Variants in CNTNAP2 observed in about 807,000 individuals in gnomAD.
CNTNAP2 encodes contactin-associated protein-like 2.
Under a neutral mutation model 155.2 loss-of-function variants are expected in CNTNAP2, and 98 were observed. The ratio of observed to expected loss-of-function variants is 0.63; its 90% CI spans 0.54 to 0.75. The LOEUF is 0.75. Ranked by LOEUF, CNTNAP2 falls within the 30% of genes least tolerant of loss-of-function variation. CNTNAP2 has a pLI of 0.00. For synonymous variants in CNTNAP2, 651 were observed against 631.2 expected, an observed-to-expected ratio of 1.03 and a Z score of -0.47; for missense variants, 1,727 against 1,688.1, an observed-to-expected ratio of 1.02 and a Z score of -0.40.
intron 15 of CNTNAP2, among the ~76,000 whole-genome samples, chr7:148,076,636 C>T (rs569101096): frequency 2.0e-5 from 3 of 151,662 alleles, no homozygotes; most frequent in Non-Finnish European, 2.9e-5. Context: ...GGGGTTTCAC[C>T]GTGTTAGCCA....
chr7:146,368,018 C>T (rs1321402404), intron 1 of CNTNAP2, among the ~76,000 whole-genome samples: 1 of 152,056 alleles, frequency 6.6e-6, no homozygotes, highest in Non-Finnish European at 1.5e-5. Context: ...TTGAACATTC[C>T]ACTTCATCCC....
intron 16 of CNTNAP2, among the ~76,000 whole-genome samples, chr7:148,120,508 G>A (rs936205459): frequency 1.3e-5 from 2 of 151,974 alleles, no homozygotes; most frequent in Non-Finnish European, 2.9e-5. Flanking sequence ...CTCAGGCAGT[G>A]TGCCTGCCTT....
chr7:146,607,503 G>T (rs117672138), intron 1 of CNTNAP2, among the ~76,000 whole-genome samples: 3,422 of 152,016 alleles, frequency 0.023, 47 homozygotes, highest in Middle Eastern at 0.041. Flanking sequence ...TTGAGACAGG[G>T]TCTTTTTCTG....
chr7:146,830,399 C>T (rs933816819), intron 2 of CNTNAP2, among the ~76,000 whole-genome samples: 2 of 151,916 alleles, frequency 1.3e-5, no homozygotes, highest in Admixed American at 6.6e-5. Flanking sequence ...GTGGCTGTTA[C>T]ACTGTTATGT....
chr7:147,398,330 G>T (rs1413702150), intron 10 of CNTNAP2, among the ~76,000 whole-genome samples: 1 of 151,752 alleles, frequency 6.6e-6, no homozygotes, highest in Non-Finnish European at 1.5e-5. Context: ...TTCTCCCAAA[G>T]GAAGCCTACA....
At chr7:146,900,466 C>CCCATT (rs1477054514) in intron 3 of CNTNAP2, among the ~76,000 whole-genome samples, 1 of 152,148 alleles carries the variant, frequency 6.6e-6, no homozygotes, top group East Asian at 1.9e-4. Context: ...ACAGCTTCAC[C>CCCATT]CCATCCCCAA....
chr7:148,353,245 G>T (rs574068063), intron 21 of CNTNAP2, among the ~76,000 whole-genome samples: 1 of 152,310 alleles, frequency 6.6e-6, no homozygotes, highest in South Asian at 2.1e-4. Flanking sequence ...GCTGTGGATG[G>T]GAGATAGAAG....
At chr7:146,856,866 G>T (rs1795000438) in intron 3 of CNTNAP2, among the ~76,000 whole-genome samples, 1 of 152,140 alleles carries the variant, frequency 6.6e-6, no homozygotes, top group South Asian at 2.1e-4. Context: ...GTATCAGTGT[G>T]ATAAGAGACA....
At chr7:146,919,517 A>C (rs766048289) in intron 3 of CNTNAP2, among the ~76,000 whole-genome samples, 7 of 152,158 alleles carry the variant, frequency 4.6e-5, no homozygotes, top group Non-Finnish European at 1.0e-4. Flanking sequence ...GAGTATCTGC[A>C]AACAGTCCTG....
intron 21 of CNTNAP2, among the ~76,000 whole-genome samples, chr7:148,283,807 T>G (rs1797031964): frequency 1.3e-5 from 2 of 152,230 alleles, no homozygotes; most frequent in African/African-American, 4.8e-5. Context: ...TAGGCATGAC[T>G]GATTGTGCTG....
At chr7:147,370,633 C>A (rs1796325481) in intron 9 of CNTNAP2, among the ~76,000 whole-genome samples, 1 of 152,108 alleles carries the variant, frequency 6.6e-6, no homozygotes, top group African/African-American at 2.4e-5. Flanking sequence ...TGATCGACAA[C>A]TATGTAAGAC....
intron 1 of CNTNAP2, among the ~76,000 whole-genome samples, chr7:146,766,413 A>C (rs1802195187): frequency 6.6e-6 from 1 of 152,176 alleles, no homozygotes; most frequent in Admixed American, 6.6e-5. Context: ...TCTTAGAATC[A>C]AAATGAGAGG....
intron 8 of CNTNAP2, among the ~76,000 whole-genome samples, chr7:147,276,324 T>C (rs1804895010): frequency 1.3e-5 from 2 of 152,006 alleles, no homozygotes; most frequent in Non-Finnish European, 2.9e-5. Flanking sequence ...GGGCTTTTTG[T>C]TGTTCTTGGA....
At chr7:146,831,200 C>G (rs1803503188) in intron 2 of CNTNAP2, among the ~76,000 whole-genome samples, 1 of 152,146 alleles carries the variant, frequency 6.6e-6, no homozygotes, top group South Asian at 2.1e-4. Context: ...GAGGATCTCT[C>G]TTGTTATTTT....
intron 15 of CNTNAP2, among the ~76,000 whole-genome samples, chr7:147,982,288 A>G (rs1801544395): frequency 8.0e-6 from 1 of 124,656 alleles, no homozygotes; most frequent in East Asian, 2.4e-4. Context: ...CAAGTTTGTC[A>G]GAACCATAGG....
chr7:146,989,270 C>T (rs1331538498), intron 3 of CNTNAP2, among the ~76,000 whole-genome samples: 1 of 151,890 alleles, frequency 6.6e-6, no homozygotes, highest in East Asian at 1.9e-4. Flanking sequence ...CTTACCAAAG[C>T]CTAGAGCTGA....
chr7:146,294,019 C>G (rs764553373), intron 1 of CNTNAP2, among the ~76,000 whole-genome samples: 2 of 152,018 alleles, frequency 1.3e-5, no homozygotes, highest in Non-Finnish European at 2.9e-5. Context: ...TTCCGTGACA[C>G]CTTAGATAAG....
rs749830701 is a variant in CNTNAP2, at chr7:146,701,563, A to AG, written c.98-72707dup. On this transcript the variant is annotated intron_variant, in intron 1 of 23. Transcript: ENST00000361727. Reference sequence around the variant, plus strand: ...ACTTATAGACAGGGGTATTATTTAGAGTTTAATACTTGATAGAGGAGATAT... The same window carrying AG: ...ACTTATAGACAGGGGTATTATTTAGAGGTTTAATACTTGATAGAGGAGATAT... 1.3e-3 allele frequency among the ~76,000 whole-genome samples: 204 copies of AG among 152,272 alleles called. 2 individuals carry two copies. The highest frequency in any genetic ancestry group is 1.8e-3 in the Non-Finnish European group (124 of 68,020).
At chr7:146,292,203 C>A (rs2129086785) in intron 1 of CNTNAP2, among the ~76,000 whole-genome samples, 1 of 152,196 alleles carries the variant, frequency 6.6e-6, no homozygotes, top group South Asian at 2.1e-4. Flanking sequence ...GTTAAAATGA[C>A]TGTTGTTCCC....
Sources: allele counts gnomAD v4.1 joint callset (sites outside exome capture counted in the v4.1 genomes callset), GRCh38; gene constraint gnomAD v4.1.1; transcripts MANE v1.5; gene names NCBI Gene and HGNC (gene_info 2026-07-23, HGNC 2026-07-21).